TMC2: variants seen among roughly 807,000 people sequenced by gnomAD.
The protein encoded by TMC2 is transmembrane channel-like protein 2.
A neutral mutation model predicts 105.9 loss-of-function variants in TMC2; 102 were observed. The ratio of observed to expected loss-of-function variants is 0.96; its 90% CI spans 0.82 to 1.14. The LOEUF (loss-of-function observed/expected upper bound fraction) is 1.14, where lower values mean the gene tolerates loss of function less well. TMC2 is among the 50% of genes most tolerant of loss of function. TMC2 has a pLI of 0.00. For missense variants in TMC2, 1,093 were observed against 1,134.3 expected (o/e 0.96, Z 0.52); for synonymous variants, 402 against 422.8 (o/e 0.95, Z 0.60).
chr20:2,557,248 G>C (rs1234169933), intron 2 of TMC2, among the ~76,000 whole-genome samples: 1 of 152,058 alleles, frequency 6.6e-6, no homozygotes, highest in Admixed American at 6.6e-5. Flanking sequence ...CACAGTTTGG[G>C]GATATTTTGT....
rs2086293620 is a variant in TMC2 at position 2,594,838 on chromosome 20, A to T, written c.947A>T (p.Tyr316Phe). 6.2e-7 allele frequency: 1 copy of T among 1,613,796 alleles called. No individual in the cohort carries two copies. The highest frequency in any genetic ancestry group is 1.1e-5 in the South Asian group (1 of 91,066). Residue 316 changes from tyrosine to phenylalanine, a missense_variant, in exon 9 of 20, where the codon TAC becomes TTC. Transcript: ENST00000358864. ...GCTGTCCCCCAGGGCTATATCAAGT[A>T]CTCTGCACTCTTCTATGGCTACTAC... Reference protein sequence around the residue: ...VLWDFEGYIKYSALFYGYYNN... With the variant: ...VLWDFEGYIKFSALFYGYYNN...
intron 3 of TMC2, among the ~76,000 whole-genome samples, chr20:2,559,216 C>G (rs999311244): frequency 3.3e-5 from 5 of 152,236 alleles, no homozygotes; most frequent in Admixed American, 1.3e-4. Context: ...TTAAGCACAC[C>G]TCGTTCCGGC....
intron 2 of TMC2, among the ~76,000 whole-genome samples, chr20:2,556,880 T>TC (rs397770247): frequency 8.6e-4 from 131 of 152,106 alleles, no homozygotes; most frequent in African/African-American, 3.1e-3. Flanking sequence ...TTTTTTTTTT[T>TC]CCGTCAGCAC....
intron 2 of TMC2, among the ~76,000 whole-genome samples, chr20:2,549,136 G>A (rs2085941960): frequency 6.6e-6 from 1 of 152,088 alleles, no homozygotes; most frequent in Non-Finnish European, 1.5e-5. Flanking sequence ...GAGTGCACTG[G>A]TGCCATCACA....
Position 2,571,483 on chromosome 20 carries a change from T to C in TMC2, c.555-696T>C, listed in dbSNP as rs189092840. ...TTCCACCAGTCAGAATGGCTATTAT[T>C]AAAAAGTCAAAACCTAACAGATGCT... On this transcript the variant is annotated intron_variant, in intron 4 of 19. Coordinates refer to ENST00000358864, the MANE Select transcript of TMC2 (RefSeq NM_080751.3). Among the ~76,000 whole-genome samples the C allele has an allele frequency of 2.2e-4, 33 of 152,218 alleles. 1 individual carries two copies. The East Asian group carries it at 6.2e-3, about 28-fold the overall frequency.
At chr20:2,572,602 G>T (rs952558941) in intron 5 of TMC2, among the ~76,000 whole-genome samples, 2 of 152,188 alleles carry the variant, frequency 1.3e-5, no homozygotes, top group African/African-American at 2.4e-5. Context: ...GACCCAGAAG[G>T]GCTGTGGTGT....
Position 2,641,256 on chromosome 20 carries a change from C to T in TMC2, c.2626C>T (p.Pro876Ser). ...PASGHLPISR[P>S]PGIGPDSGHA... ...CTCTGGACACCTTCCTATATCTCGG[C>T]CCCCTGGAATCGGACCAGATTCTGG... The change falls in exon 20 of 20, where the codon CCC (proline) becomes TCC (serine). Residue 876 changes from proline to serine, a missense_variant. Pro to Ser is a moderately conservative substitution (Grantham distance 74, BLOSUM62 -1). Coordinates refer to ENST00000358864, the MANE Select transcript of TMC2 (RefSeq NM_080751.3). 6.2e-7 allele frequency: 1 copy of T among 1,614,068 alleles called. No individual in the cohort carries two copies. The highest frequency in any genetic ancestry group is 8.5e-7 in the Non-Finnish European group (1 of 1,179,940).
At chr20:2,630,237 G>A (rs2086594353) in intron 17 of TMC2, among the ~76,000 whole-genome samples, 1 of 152,156 alleles carries the variant, frequency 6.6e-6, no homozygotes, top group Admixed American at 6.5e-5. Context: ...AGTTGTTCAA[G>A]TCTACTATTT....
chr20:2,610,681 T>A, intron 12 of TMC2, 83 bp downstream of exon 12: 1 of 756,472 alleles, frequency 1.3e-6, no homozygotes, highest in Non-Finnish European at 1.8e-6. Flanking sequence ...TTTCATTATA[T>A]ATAATTCATA....
intron 10 of TMC2, among the ~76,000 whole-genome samples, chr20:2,601,570 G>C (rs1225181931): frequency 6.6e-6 from 1 of 152,188 alleles, no homozygotes; most frequent in Non-Finnish European, 1.5e-5. Flanking sequence ...GCCAGGCACA[G>C]TGGCTCATGC....
intron 14 of TMC2, among the ~76,000 whole-genome samples, chr20:2,615,136 G>A (rs1182471507): frequency 2.0e-5 from 3 of 152,162 alleles, no homozygotes; most frequent in Non-Finnish European, 2.9e-5. Flanking sequence ...ATCCTGGCCA[G>A]CATGGTGAAA....
intron 7 of TMC2, among the ~76,000 whole-genome samples, chr20:2,580,953 T>A (rs2086184919): frequency 6.6e-6 from 1 of 152,192 alleles, no homozygotes. Context: ...TTGCTACAAT[T>A]GCTACAGTCC....
At chr20:2,617,382 A>T in intron 16 of TMC2, 71 bp downstream of exon 16, 7 of 1,581,002 alleles carry the variant, frequency 4.4e-6, no homozygotes, top group Non-Finnish European at 6.0e-6. Context: ...TCGGCCCAGA[A>T]TTCCAGTTCT....
intron 16 of TMC2, among the ~76,000 whole-genome samples, chr20:2,620,095 A>C (rs990369862): frequency 6.6e-6 from 1 of 152,158 alleles, no homozygotes; most frequent in Admixed American, 6.5e-5. Flanking sequence ...GAAAAAAAGA[A>C]AAGAGAAGAG....
chr20:2,584,073 A>G (rs2086214060), intron 7 of TMC2, among the ~76,000 whole-genome samples: 1 of 152,236 alleles, frequency 6.6e-6, no homozygotes, highest in Admixed American at 6.5e-5. Flanking sequence ...TTAGGTTTAC[A>G]TAGCAAGCAT....
At chr20:2,595,183 G>T (rs2086296851) in intron 9 of TMC2, among the ~76,000 whole-genome samples, 1 of 152,224 alleles carries the variant, frequency 6.6e-6, no homozygotes, top group Non-Finnish European at 1.5e-5. Context: ...TTTGGATGAG[G>T]CTGAGAACGC....
intron 19 of TMC2, 86 bp from the exon 20 acceptor site, chr20:2,641,048 C>A: frequency 8.5e-7 from 1 of 1,176,116 alleles, no homozygotes; most frequent in Non-Finnish European, 1.3e-6. Context: ...AAAACCTACA[C>A]ACACCGCAGG....
intron 1 of TMC2, 77 bp from the exon 2 acceptor site, chr20:2,537,192 C>T: frequency 1.5e-6 from 2 of 1,359,268 alleles, no homozygotes; most frequent in Non-Finnish European, 2.1e-6. Flanking sequence ...GCTGAGGGGT[C>T]CCACAGTGAC....
rs1385092106 is a variant in TMC2 at position 2,558,161 on chromosome 20, T to C, written c.83-295T>C. 4.2e-6 allele frequency: 2 copies of C among 481,880 alleles called. No individual in the cohort carries two copies. Among genetic ancestry groups the C allele is most frequent in the African/African-American group, 4.0e-5 (2 of 50,500 alleles). 29.9% of individuals were successfully genotyped at this position (481,880 alleles called of 1,614,324 possible). On this transcript the variant is annotated intron_variant, in intron 2 of 19. Transcript: ENST00000358864. This position sits in a 1 kb window ranked among gnomAD's most constrained non-coding sequence, Gnocchi z 4.6. ...GTTCCGATTCCTCTTGGCCTCTCTG[T>C]GTGACTTTCCTTTCCTTGGGTATAG...
Sources: allele counts gnomAD v4.1 joint callset (sites outside exome capture counted in the v4.1 genomes callset), GRCh38; gene constraint gnomAD v4.1.1; non-coding constraint Gnocchi (gnomAD v3.1); transcripts MANE v1.5; gene names NCBI Gene and HGNC (gene_info 2026-07-23, HGNC 2026-07-21).